Variants in TSPAN18 observed in about 807,000 individuals in gnomAD.
TSPAN18 encodes tetraspanin 18, also known as tetraspanin-18.
Under a neutral mutation model 27.3 loss-of-function variants are expected in TSPAN18, and 14 were observed. That is an observed-to-expected ratio of 0.51 (90% confidence interval 0.34 to 0.80). TSPAN18 has a LOEUF of 0.80. Among genes scored for constraint, TSPAN18 ranks in the 30% least tolerant of loss-of-function variants. TSPAN18 has a pLI of 0.01. For synonymous variants in TSPAN18, 143 were observed against 136.5 expected, an observed-to-expected ratio of 1.05 and a Z score of -0.33; for missense variants, 268 against 323.9, an observed-to-expected ratio of 0.83 and a Z score of 1.32.
At chr11:44,862,004 G>T (rs1437329819) in intron 3 of TSPAN18, among the ~76,000 whole-genome samples, 1 of 152,128 alleles carries the variant, frequency 6.6e-6, no homozygotes, top group African/African-American at 2.4e-5. Flanking sequence ...GGGAAGGCCT[G>T]TTCCTTTTTC....
intron 1 of TSPAN18, among the ~76,000 whole-genome samples, chr11:44,747,849 A>G (rs1855116101): frequency 6.6e-6 from 1 of 151,962 alleles, no homozygotes; most frequent in Non-Finnish European, 1.5e-5. Context: ...TTCTACCTCA[A>G]AGGCTCACAC....
At chr11:44,733,430 G>A (rs1357559144) in intron 1 of TSPAN18, among the ~76,000 whole-genome samples, 1 of 152,168 alleles carries the variant, frequency 6.6e-6, no homozygotes, top group African/African-American at 2.4e-5. Context: ...CATGGCAAGG[G>A]CACTATAAGC....
At chr11:44,748,411 A>T (rs1855132849) in intron 1 of TSPAN18, among the ~76,000 whole-genome samples, 1 of 152,032 alleles carries the variant, frequency 6.6e-6, no homozygotes, top group Non-Finnish European at 1.5e-5. Flanking sequence ...AGAAAAAAAA[A>T]AAAAAGAGAC....
At chr11:44,847,101 G>T (rs373221992) in intron 2 of TSPAN18, among the ~76,000 whole-genome samples, 20 of 152,332 alleles carry the variant, frequency 1.3e-4, no homozygotes, top group African/African-American at 4.8e-4. Flanking sequence ...AAGCCAAAGA[G>T]AACTTCCAGG....
chr11:44,868,253 T>TG (rs986076683), intron 3 of TSPAN18, among the ~76,000 whole-genome samples: 3 of 152,202 alleles, frequency 2.0e-5, no homozygotes, highest in African/African-American at 7.2e-5. Flanking sequence ...AGCCTTCAGT[T>TG]GCTGCCAGGC....
chr11:44,876,787 C>CT (rs1169670561), intron 3 of TSPAN18, among the ~76,000 whole-genome samples: 21 of 152,312 alleles, frequency 1.4e-4, no homozygotes, highest in African/African-American at 4.6e-4. Flanking sequence ...ACTGCTTCAG[C>CT]TTTTTTTAAC....
At chr11:44,728,210 C>T (rs997298201) in intron 1 of TSPAN18, among the ~76,000 whole-genome samples, 2 of 152,148 alleles carry the variant, frequency 1.3e-5, no homozygotes, top group Non-Finnish European at 2.9e-5. Context: ...ATAACTGCGC[C>T]GTGGGCTGGA....
At chr11:44,918,657 GCCAC>G (rs1860006092) in intron 6 of TSPAN18, among the ~76,000 whole-genome samples, 1 of 152,124 alleles carries the variant, frequency 6.6e-6, no homozygotes, top group Admixed American at 6.5e-5. Flanking sequence ...AGAGGAGGAG[GCCAC>G]CACAGCCTGT....
rs529780680 is a variant in TSPAN18, at chr11:44,805,502, A to G, written c.-153+40990A>G. ...GGAAGCCCGTGTTCCTCTCAAGATG[A>G]GATTGGGGCCCTGGGCCAGGGAGAT... On this transcript the variant is annotated intron_variant, in intron 2 of 9. Coordinates refer to ENST00000520358, the MANE Select transcript of TSPAN18 (RefSeq NM_130783.5). 8.5e-5 allele frequency among the ~76,000 whole-genome samples: 13 copies of G among 152,180 alleles called. No homozygotes were observed. The South Asian group carries it at 2.7e-3, about 32-fold the overall frequency.
At chr11:44,915,316 G>A (rs896983693) in intron 5 of TSPAN18, among the ~76,000 whole-genome samples, 2 of 152,176 alleles carry the variant, frequency 1.3e-5, no homozygotes, top group Non-Finnish European at 2.9e-5. Context: ...CTGTCACAGG[G>A]GAGGCGAGGC....
intron 3 of TSPAN18, among the ~76,000 whole-genome samples, chr11:44,871,119 A>C (rs937145917): frequency 5.3e-5 from 8 of 152,154 alleles, no homozygotes; most frequent in Non-Finnish European, 7.4e-5. Flanking sequence ...TTGAGACTGG[A>C]GGGAACTGTC....
At chr11:44,882,835 A>C (rs1455465732) in intron 3 of TSPAN18, among the ~76,000 whole-genome samples, 1 of 151,978 alleles carries the variant, frequency 6.6e-6, no homozygotes, top group Non-Finnish European at 1.5e-5. Context: ...AGACCCCCAG[A>C]CCCAAGGGCG....
intron 2 of TSPAN18, among the ~76,000 whole-genome samples, chr11:44,822,085 G>C (rs1277751565): frequency 1.3e-5 from 2 of 152,178 alleles, no homozygotes; most frequent in Non-Finnish European, 2.9e-5. Flanking sequence ...GGCTGTGACA[G>C]GCAGGAAAGG....
At chr11:44,851,125 G>T (rs766671616) in intron 2 of TSPAN18, among the ~76,000 whole-genome samples, 1 of 152,202 alleles carries the variant, frequency 6.6e-6, no homozygotes, top group African/African-American at 2.4e-5. Context: ...CATGCTGCAC[G>T]TGTGTGTGGG....
At chr11:44,783,225 C>A (rs1374841320) in intron 2 of TSPAN18, among the ~76,000 whole-genome samples, 2 of 152,102 alleles carry the variant, frequency 1.3e-5, no homozygotes, top group Admixed American at 6.5e-5. Flanking sequence ...GACCTTGAGG[C>A]AGGCAAAGAT....
intron 4 of TSPAN18, among the ~76,000 whole-genome samples, chr11:44,907,434 A>G (rs535083440): frequency 3.9e-5 from 6 of 152,258 alleles, no homozygotes; most frequent in Admixed American, 1.3e-4. Context: ...TGTCTCTCTC[A>G]GTGTCTATCT....
At chr11:44,810,262 C>G (rs952907026) in intron 2 of TSPAN18, among the ~76,000 whole-genome samples, 1 of 152,196 alleles carries the variant, frequency 6.6e-6, no homozygotes, top group East Asian at 1.9e-4. Context: ...TCCATCACCC[C>G]TTATCCATCA....
chr11:44,788,582 G>T (rs747275310), intron 2 of TSPAN18, among the ~76,000 whole-genome samples: 1 of 150,852 alleles, frequency 6.6e-6, no homozygotes, highest in East Asian at 2.0e-4. Flanking sequence ...TCCAGCCTCC[G>T]GAGTAGCTGG....
At chr11:44,919,591 C>T (rs1731166427) in intron 7 of TSPAN18, 2 of 611,934 alleles carry the variant, frequency 3.3e-6, no homozygotes. Flanking sequence ...GGCTAAGCGC[C>T]TGGTGAGGTA....
Sources: allele counts gnomAD v4.1 joint callset (sites outside exome capture counted in the v4.1 genomes callset), GRCh38; gene constraint gnomAD v4.1.1; transcripts MANE v1.5; gene names NCBI Gene and HGNC (gene_info 2026-07-23, HGNC 2026-07-21).